The following CTC1 variants were observed in gnomAD, a reference collection of about 807,000 sequenced individuals.
The protein encoded by CTC1 is CST complex subunit CTC1.
CTC1 carries 91 observed loss-of-function variants against 136.3 expected under a neutral mutation model. The observed-to-expected ratio is 0.67, with a 90% CI of 0.56 to 0.79. The LOEUF is 0.79. CTC1 is among the 30% of genes least tolerant of loss of function. The pLI is 0.00. For synonymous variants in CTC1, 606 were observed against 613.8 expected (o/e 0.99, Z 0.19); for missense variants, 1,432 against 1,498.1 (o/e 0.96, Z 0.73).
chr17:8,227,064 CACTA>C lies in CTC1; in HGVS notation c.*1112_*1115del, dbSNP rs1567594200. The C allele has an allele frequency of 6.6e-6, 1 of 150,896 alleles. No individual in the cohort carries two copies. The highest frequency in any genetic ancestry group is 1.5e-5 in the Non-Finnish European group (1 of 68,040). 9.3% of individuals were successfully genotyped at this position (150,896 alleles called of 1,614,324 possible). A position where few individuals can be genotyped will look rare whatever the true frequency, so the allele number is the denominator to read the frequency against. On this transcript the variant is annotated 3_prime_UTR_variant, in exon 23 of 23. Coordinates refer to ENST00000651323, the MANE Select transcript of CTC1 (RefSeq NM_025099.6). ...GCTCTAACCAACTGAGCTAACCGGC[CACTA>C]ACTTTCCGGGTCTACTTCAAATCTT...
chr17:8,229,058 G>T, intron 20 of CTC1, 84 bp downstream of exon 20: 1 of 1,504,252 alleles, frequency 6.6e-7, no homozygotes, highest in South Asian at 1.2e-5. Context: ...CATGAGCCAG[G>T]AATTATGCTA....
At chr17:8,237,655 A>C in intron 4 of CTC1, 136 bp from the exon 5 acceptor site, 1 of 207,446 alleles carries the variant, frequency 4.8e-6, no homozygotes. Flanking sequence ...GCAGGAGTGA[A>C]ACTACGTCTC....
rs1035396824 is a variant in CTC1 at position 8,225,777 on chromosome 17, G to A, written c.*2403C>T. On this transcript the variant is annotated 3_prime_UTR_variant, in exon 23 of 23. Coordinates refer to ENST00000651323, the MANE Select transcript of CTC1 (RefSeq NM_025099.6). ...ACCAGTTAGAGGACCGCATCTGGAAGCTGTGCCAAATTTTAAATACTGTAT... is the reference window on the plus strand; with the variant it reads ...ACCAGTTAGAGGACCGCATCTGGAAACTGTGCCAAATTTTAAATACTGTAT... 1 of 151,978 alleles carries A rather than the reference G, an allele frequency of 6.6e-6. No individual in the cohort carries two copies. Among genetic ancestry groups the A allele is most frequent in the Non-Finnish European group, 1.5e-5 (1 of 67,996 alleles). 9.4% of individuals were successfully genotyped at this position (151,978 alleles called of 1,614,324 possible).
chr17:8,239,736 A>T (rs1486060000), intron 2 of CTC1, among the ~76,000 whole-genome samples: 1 of 151,802 alleles, frequency 6.6e-6, no homozygotes, highest in African/African-American at 2.4e-5. Context: ...GATTTTTTTT[A>T]AGTGGAAATG....
At chr17:8,242,425 G>A (rs1422147059) in intron 2 of CTC1, among the ~76,000 whole-genome samples, 7 of 151,092 alleles carry the variant, frequency 4.6e-5, no homozygotes, top group Non-Finnish European at 1.0e-4. Flanking sequence ...GACTCTCCCA[G>A]AGACGTTTAT....
rs1987585499 is a variant in CTC1 at position 8,235,045 on chromosome 17, C to T, written c.1439+8G>A. ...TGCCTCCCCGCCCTGGGCCCTCAGC[C>T]TCCTCACTTGCAGGCCAGCTCCTCC... On this transcript the variant is annotated splice_region_variant and intron_variant, in intron 8 of 22. Coordinates refer to ENST00000651323, the MANE Select transcript of CTC1 (RefSeq NM_025099.6). 6.2e-7 allele frequency: 1 copy of T among 1,613,580 alleles called. No individual in the cohort carries two copies. Among genetic ancestry groups the T allele is most frequent in the African/African-American group, 1.3e-5 (1 of 75,032 alleles).
chr17:8,236,829 T>C (rs2151525784), intron 5 of CTC1, among the ~76,000 whole-genome samples: 1 of 152,190 alleles, frequency 6.6e-6, no homozygotes, highest in East Asian at 1.9e-4. Flanking sequence ...CATAAAACAA[T>C]GGTTAGAATA....
Position 8,235,912 on chromosome 17 carries a change from C to A in CTC1, c.1125G>T (p.Leu375=), listed in dbSNP as rs1219889537. ...CAAGGCAGAGCCCCAGCTGCCCATC[C>A]AGCTCATAGAGGCCAGCGGGCTCAT... ...VLNEPAGLYE[L]DGQLGLCLAY... is the part of the protein sequence containing the mutation. Residue 375 remains leucine, a synonymous_variant, in exon 7 of 23, where the codon CTG becomes CTT. Coordinates refer to ENST00000651323, the MANE Select transcript of CTC1 (RefSeq NM_025099.6). 1 of 1,613,770 alleles carries A rather than the reference C, an allele frequency of 6.2e-7. No individual in the cohort carries two copies. Among genetic ancestry groups the A allele is most frequent in the African/African-American group, 1.3e-5 (1 of 75,048 alleles).
intron 17 of CTC1, 156 bp from the exon 18 acceptor site, chr17:8,230,124 G>A (rs1432870075): frequency 1.0e-6 from 1 of 962,610 alleles, no homozygotes; most frequent in East Asian, 2.6e-5. Flanking sequence ...CTAGGAGGAG[G>A]ACCAGCCTGC....
intron 17 of CTC1, 122 bp from the exon 18 acceptor site, chr17:8,230,090 G>A (rs865785722): frequency 2.9e-6 from 3 of 1,051,034 alleles, no homozygotes; most frequent in Middle Eastern, 2.1e-4. Flanking sequence ...TCCTAGCCAT[G>A]GCTCTACCAA....
intron 5 of CTC1, 102 bp from the exon 6 acceptor site, chr17:8,236,444 T>C (rs1987738021): frequency 2.4e-6 from 3 of 1,234,682 alleles, no homozygotes; most frequent in Non-Finnish European, 3.3e-6. Context: ...ACCTGCCCTC[T>C]GTGAGTCTCA....
Position 8,247,989 on chromosome 17 carries a change from A to T in CTC1, c.33+15T>A. The T allele has an allele frequency of 6.2e-7, 1 of 1,610,062 alleles. No homozygotes were observed. Among genetic ancestry groups the T allele is most frequent in the Non-Finnish European group, 8.5e-7 (1 of 1,177,752 alleles). On this transcript the variant is annotated intron_variant, in intron 1 of 22. Coordinates refer to ENST00000651323, the MANE Select transcript of CTC1 (RefSeq NM_025099.6). The stretch of plus-strand genomic sequence containing the variant: ...ACAAGAAAAAAGGAACAAGAGACGT[A>T]ATAGCAGCACTCACGGAGGAAGGGA...
chr17:8,243,986 T>G (rs530311079), intron 1 of CTC1, among the ~76,000 whole-genome samples: 16 of 152,302 alleles, frequency 1.1e-4, no homozygotes, highest in Non-Finnish European at 2.1e-4. Context: ...GAGGATCACC[T>G]GAGCCTGGGG....
In CTC1 at chr17:8,234,656, C is replaced by T. The variant is rs750130863; in HGVS notation, c.1618-1G>A. 1.9e-6 allele frequency: 3 copies of T among 1,608,912 alleles called. No homozygotes were observed. Among genetic ancestry groups the T allele is most frequent in the South Asian group, 2.2e-5 (2 of 90,290 alleles). Reference sequence around the variant, plus strand: ...AGGAGGGAGTCTGCAGCCGAGTGTACTGTCAAGGAGGGAAGAGAAATCGGG... The same window carrying T: ...AGGAGGGAGTCTGCAGCCGAGTGTATTGTCAAGGAGGGAAGAGAAATCGGG... On this transcript the variant is annotated splice_acceptor_variant, in intron 9 of 22. Transcript: ENST00000651323. LOFTEE classifies it high-confidence loss of function.
chr17:8,245,118 A>G (rs1988568402), intron 1 of CTC1, among the ~76,000 whole-genome samples: 1 of 152,138 alleles, frequency 6.6e-6, no homozygotes, highest in Non-Finnish European at 1.5e-5. Context: ...GTGAACACAA[A>G]GAGGGAAATA....
chr17:8,236,746 A>G (rs1454013298), intron 5 of CTC1, among the ~76,000 whole-genome samples: 1 of 152,218 alleles, frequency 6.6e-6, no homozygotes, highest in African/African-American at 2.4e-5. Flanking sequence ...GTAAGGCCCT[A>G]TTTCTACAAA....
At position 8,231,981 on chromosome 17, in the gene CTC1, C is replaced by A. The variant is rs201879837; in HGVS notation, c.2307G>T (p.Trp769Cys). ...PALSFYVLGS[W>C]LGGTQRKEGT... is the part of the protein sequence containing the mutation. Reference sequence around the variant, plus strand: ...CCTCCTTCCTCTGGGTGCCCCCAAGCCAGCTCCCCAACACATAGAAACTGA... The same window carrying A: ...CCTCCTTCCTCTGGGTGCCCCCAAGACAGCTCCCCAACACATAGAAACTGA... The change falls in exon 13 of 23, where the codon TGG (tryptophan) becomes TGT (cysteine). Residue 769 changes from tryptophan to cysteine, a missense_variant. Transcript: ENST00000651323. The A allele has an allele frequency of 3.5e-5, 57 of 1,609,198 alleles. No homozygotes were observed. The Middle Eastern group carries it at 5.0e-4, about 14-fold the overall frequency.
chr17:8,226,721 CCTTT>C lies in CTC1; in HGVS notation c.*1455_*1458del, dbSNP rs1986722183. The stretch of plus-strand genomic sequence containing the variant: ...CTTAGGGCTTCGTTTTCATCCAATG[CCTTT>C]CTTACTTCCCTTGACTGACAAACAT... On this transcript the variant is annotated 3_prime_UTR_variant, in exon 23 of 23. Coordinates refer to ENST00000651323, the MANE Select transcript of CTC1 (RefSeq NM_025099.6). 1 of 152,194 alleles carries C rather than the reference CCTTT, an allele frequency of 6.6e-6. No individual in the cohort carries two copies. The highest frequency in any genetic ancestry group is 1.5e-5 in the Non-Finnish European group (1 of 68,040). 9.4% of individuals were successfully genotyped at this position (152,194 alleles called of 1,614,324 possible).
chr17:8,226,638 G>C lies in CTC1; in HGVS notation c.*1542C>G, dbSNP rs886053599. 2 of 151,648 alleles carry C rather than the reference G, an allele frequency of 1.3e-5. No homozygotes were observed. The highest frequency in any genetic ancestry group is 2.9e-5 in the Non-Finnish European group (2 of 68,032). 9.4% of individuals were successfully genotyped at this position (151,648 alleles called of 1,614,324 possible). On this transcript the variant is annotated 3_prime_UTR_variant, in exon 23 of 23. Coordinates refer to ENST00000651323, the MANE Select transcript of CTC1 (RefSeq NM_025099.6). ...AGTCGGCAGGATTCGAACCTGCGCG[G>C]GGAGACCCCAATGGATTTCTAGTCC...
Sources: gnomAD v4.1 joint callset for allele counts (sites outside exome capture counted in the v4.1 genomes callset) on GRCh38, gnomAD v4.1.1 for gene constraint, MANE v1.5 for transcripts, NCBI Gene and HGNC (gene_info 2026-07-23, HGNC 2026-07-21) for gene names.